The following IL1RAPL1 variants were observed in gnomAD, a reference collection of about 807,000 sequenced individuals.
IL1RAPL1 encodes interleukin 1 receptor accessory protein like 1.
Under a neutral mutation model 48.4 loss-of-function variants are expected in IL1RAPL1, and 3 were observed. The ratio of observed to expected loss-of-function variants is 0.06; its 90% CI spans 0.03 to 0.16. The LOEUF is 0.16. Among genes scored for constraint, IL1RAPL1 ranks in the 10% least tolerant of loss-of-function variants. The pLI is 1.00. For missense variants in IL1RAPL1, 349 were observed against 530.6 expected (o/e 0.66, Z 3.36); for synonymous variants, 185 against 187.7 (o/e 0.99, Z 0.12).
intron 2 of IL1RAPL1, among the ~76,000 whole-genome samples, chrX:29,089,749 A>AATATATAT (rs1159198583): frequency 0.099 from 1,676 of 16,860 alleles, 145 homozygotes; most frequent in Non-Finnish European, 0.11. Context: ...GAGAAATATG[A>AATATATAT]ATATATATAT....
chrX:28,792,850 T>TATATATATAA (rs1185461448), intron 2 of IL1RAPL1, among the ~76,000 whole-genome samples: 1 of 42,377 alleles, frequency 2.4e-5, no homozygotes, highest in Admixed American at 3.5e-4. Flanking sequence ...TATATATATA[T>TATATATATAA]AAAAAATAAG....
intron 5 of IL1RAPL1, among the ~76,000 whole-genome samples, chrX:29,561,691 C>T (rs903021799): frequency 2.7e-5 from 3 of 111,762 alleles, no homozygotes; most frequent in African/African-American, 9.8e-5. Context: ...AAACTGTTTT[C>T]CTTACCCTCT....
intron 1 of IL1RAPL1, among the ~76,000 whole-genome samples, chrX:28,768,291 C>G (rs770080048): frequency 9.0e-6 from 1 of 110,857 alleles, no homozygotes; most frequent in Non-Finnish European, 1.9e-5. Flanking sequence ...ATATGTTGAT[C>G]TATAAACACA....
intron 2 of IL1RAPL1, among the ~76,000 whole-genome samples, chrX:29,086,446 G>A (rs538256616): frequency 3.6e-5 from 4 of 112,158 alleles, no homozygotes; most frequent in African/African-American, 1.3e-4. Context: ...TTCTGATAAT[G>A]CCAAATACCA....
chrX:29,867,494 C>A (rs1337068212), intron 6 of IL1RAPL1, among the ~76,000 whole-genome samples: 2 of 111,919 alleles, frequency 1.8e-5, no homozygotes, highest in Non-Finnish European at 3.8e-5. Context: ...ATTCAAGGCA[C>A]CATCTTGGCA....
chrX:28,897,678 T>A (rs750850625), intron 2 of IL1RAPL1, among the ~76,000 whole-genome samples: 23 of 111,601 alleles, frequency 2.1e-4, no homozygotes, highest in African/African-American at 7.2e-4. Context: ...CCCAAGGGAG[T>A]TCCCCCCTCC....
intron 1 of IL1RAPL1, among the ~76,000 whole-genome samples, chrX:28,746,765 C>A (rs974582345): frequency 2.7e-5 from 3 of 111,351 alleles, no homozygotes; most frequent in Non-Finnish European, 5.7e-5. Context: ...TGATGAATCA[C>A]CTTAATTAAT....
At chrX:28,838,978 C>G (rs1002291617) in intron 2 of IL1RAPL1, among the ~76,000 whole-genome samples, 3 of 110,876 alleles carry the variant, frequency 2.7e-5, no homozygotes, top group Admixed American at 1.9e-4. Context: ...CTTCATGTCT[C>G]CAGCTCCTAT....
At chrX:28,882,205 C>T (rs1361966459) in intron 2 of IL1RAPL1, among the ~76,000 whole-genome samples, 4 of 110,741 alleles carry the variant, frequency 3.6e-5, no homozygotes, top group African/African-American at 1.3e-4. Context: ...ATGACTTATC[C>T]TGTACAAGGT....
chrX:28,880,524 A>G (rs1043347568), intron 2 of IL1RAPL1, among the ~76,000 whole-genome samples: 2 of 112,598 alleles, frequency 1.8e-5, no homozygotes, highest in Non-Finnish European at 3.8e-5. Context: ...TTGAAAATTT[A>G]AAACCAAAGA....
chrX:28,748,585 CAACA>C (rs1422110464), intron 1 of IL1RAPL1, among the ~76,000 whole-genome samples: 1 of 111,436 alleles, frequency 9.0e-6, no homozygotes, highest in African/African-American at 3.3e-5. Flanking sequence ...CATGAATTAC[CAACA>C]AACAACTTGA....
At chrX:29,573,863 C>T (rs1401096684) in intron 5 of IL1RAPL1, among the ~76,000 whole-genome samples, 2 of 111,255 alleles carry the variant, frequency 1.8e-5, no homozygotes, top group South Asian at 7.6e-4. Flanking sequence ...AAAAATGTCC[C>T]CCGTGGATGG....
chrX:29,172,500 A>G (rs769434418), intron 2 of IL1RAPL1, among the ~76,000 whole-genome samples: 1 of 111,857 alleles, frequency 8.9e-6, no homozygotes, highest in African/African-American at 3.2e-5. Flanking sequence ...AGTGAAGCAA[A>G]TTAGGAAAGC....
chrX:29,462,311 C>G (rs16988560), intron 5 of IL1RAPL1, among the ~76,000 whole-genome samples: 2 of 111,234 alleles, frequency 1.8e-5, no homozygotes, highest in Admixed American at 9.6e-5. Flanking sequence ...CCGCTTGTCA[C>G]CAGCATTCTC....
chrX:28,622,187 A>C (rs1433320966), intron 1 of IL1RAPL1, among the ~76,000 whole-genome samples: 2 of 112,133 alleles, frequency 1.8e-5, no homozygotes, highest in Non-Finnish European at 1.9e-5. Flanking sequence ...ATATTTTAAA[A>C]TTAAGATGTA....
At chrX:29,381,437 T>C (rs1933695961) in intron 3 of IL1RAPL1, among the ~76,000 whole-genome samples, 1 of 84,411 alleles carries the variant, frequency 1.2e-5, no homozygotes, top group Non-Finnish European at 2.2e-5. Context: ...GGAGGATTGC[T>C]GGATCCCTGG....
chrX:29,430,117 C>G (rs866827935), intron 5 of IL1RAPL1, among the ~76,000 whole-genome samples: 1 of 76,196 alleles, frequency 1.3e-5, no homozygotes, highest in South Asian at 8.8e-4. Context: ...TTATGTCTCT[C>G]TCTGTCTGTC....
intron 1 of IL1RAPL1, among the ~76,000 whole-genome samples, chrX:28,609,890 GTC>G (rs1195082275): frequency 3.6e-5 from 4 of 111,123 alleles, no homozygotes; most frequent in Admixed American, 9.6e-5. Flanking sequence ...TATTTCATTT[GTC>G]TCTCTCACTT....
intron 6 of IL1RAPL1, among the ~76,000 whole-genome samples, chrX:29,854,821 A>C (rs1931446365): frequency 9.0e-6 from 1 of 110,968 alleles, no homozygotes; most frequent in African/African-American, 3.3e-5. Context: ...GTTCACCCAT[A>C]TAATCACATT....
Sources: gnomAD v4.1 joint callset for allele counts (sites outside exome capture counted in the v4.1 genomes callset) on GRCh38, gnomAD v4.1.1 for gene constraint, MANE v1.5 for transcripts, NCBI Gene and HGNC (gene_info 2026-07-23, HGNC 2026-07-21) for gene names.